Variants in SPOCK3 observed in about 807,000 individuals in gnomAD.
SPOCK3 encodes testican-3.
A neutral mutation model predicts 56.6 loss-of-function variants in SPOCK3; 30 were observed. That is an observed-to-expected ratio of 0.53 (90% CI 0.40 to 0.72). The LOEUF (loss-of-function observed/expected upper bound fraction) is 0.72, where lower values mean the gene tolerates loss of function less well. Among genes scored for constraint, SPOCK3 ranks in the 30% least tolerant of loss-of-function variants. SPOCK3 has a pLI of 0.00. For synonymous variants in SPOCK3, 196 were observed against 183.3 expected, an observed-to-expected ratio of 1.07 and a Z score of -0.56; for missense variants, 527 against 530.0, an observed-to-expected ratio of 0.99 and a Z score of 0.06.
chr4:166,956,519 C>A (rs1187757770), intron 4 of SPOCK3, among the ~76,000 whole-genome samples: 4 of 152,228 alleles, frequency 2.6e-5, no homozygotes, highest in African/African-American at 9.6e-5. Flanking sequence ...ATTCACAGAG[C>A]AAGAAGGTAT....
intron 2 of SPOCK3, among the ~76,000 whole-genome samples, chr4:167,088,618 C>G (rs1381603606): frequency 6.6e-6 from 1 of 151,946 alleles, no homozygotes. Flanking sequence ...GTGTGTGCCA[C>G]CATGCCCAGC....
chr4:166,872,094 A>C (rs1213483035), intron 6 of SPOCK3, among the ~76,000 whole-genome samples: 1 of 151,132 alleles, frequency 6.6e-6, no homozygotes, highest in Non-Finnish European at 1.5e-5. Flanking sequence ...ATATAATCTT[A>C]AGTATTTTAA....
chr4:166,788,877 T>C (rs1009176561), intron 7 of SPOCK3, among the ~76,000 whole-genome samples: 5 of 152,174 alleles, frequency 3.3e-5, no homozygotes, highest in Admixed American at 3.3e-4. Context: ...TCATCATCAA[T>C]GCTGGCTAAT....
intron 3 of SPOCK3, among the ~76,000 whole-genome samples, chr4:167,058,693 G>A (rs1755204131): frequency 6.6e-6 from 1 of 152,152 alleles, no homozygotes; most frequent in South Asian, 2.1e-4. Context: ...GCATCGCCAA[G>A]TCAATCCTAA....
chr4:167,046,970 T>G (rs1326431708), intron 3 of SPOCK3, among the ~76,000 whole-genome samples: 1 of 152,140 alleles, frequency 6.6e-6, no homozygotes, highest in East Asian at 1.9e-4. Context: ...GTGAAGAGTA[T>G]ATGATATTTA....
Position 166,742,046 on chromosome 4 carries a change from C to A in SPOCK3, c.945G>T (p.Gln315His). The change falls in exon 9 of 11, where the codon CAG (glutamine) becomes CAT (histidine). Residue 315 changes from glutamine (Q) to histidine (H), a missense_variant. Physicochemically the swap from Gln to His is conservative, Grantham distance 24 (BLOSUM62 0). Coordinates refer to ENST00000357545, the MANE Select transcript of SPOCK3 (RefSeq NM_001040159.2). ...CFQRQQDPPC[Q>H]TELSNIQKRQ... Reference sequence around the variant, plus strand: ...GCTTCTGAATATTGCTGAGCTCAGTCTGGCAAGGTGGGTCTGCAATGACAT... The same window carrying A: ...GCTTCTGAATATTGCTGAGCTCAGTATGGCAAGGTGGGTCTGCAATGACAT... The A allele has an allele frequency of 6.2e-7, 1 of 1,612,640 alleles. No homozygotes were observed. The highest frequency in any genetic ancestry group is 8.5e-7 in the Non-Finnish European group (1 of 1,178,900).
intron 6 of SPOCK3, among the ~76,000 whole-genome samples, chr4:166,865,544 C>A (rs994672635): frequency 5.3e-5 from 8 of 152,092 alleles, no homozygotes; most frequent in African/African-American, 1.7e-4. Flanking sequence ...CCATCTCAGG[C>A]CAAAAACTCC....
intron 5 of SPOCK3, among the ~76,000 whole-genome samples, chr4:166,897,414 T>C (rs182922380): frequency 8.7e-4 from 133 of 152,248 alleles, no homozygotes; most frequent in Middle Eastern, 3.4e-3. Flanking sequence ...GTTTTTTTCC[T>C]GTCCAGTAAA....
intron 2 of SPOCK3, among the ~76,000 whole-genome samples, chr4:167,113,211 A>G (rs1761045726): frequency 6.6e-6 from 1 of 152,046 alleles, no homozygotes; most frequent in African/African-American, 2.4e-5. Flanking sequence ...CATTTTAATT[A>G]CTGACTAATT....
intron 7 of SPOCK3, among the ~76,000 whole-genome samples, chr4:166,787,247 T>A (rs1362869644): frequency 1.3e-5 from 2 of 152,180 alleles, no homozygotes; most frequent in East Asian, 3.8e-4. Context: ...AAGACAAAGA[T>A]CTAAGTCAAA....
Position 166,734,623 on chromosome 4 carries a change from A to C in SPOCK3, c.*298T>G, listed in dbSNP as rs1251536265. Reference sequence around the variant, plus strand: ...CACTAGCTGTCATTTTGCTTATGGAAGATTTACAAAGTTTGTTCTCGTGAA... The same window carrying C: ...CACTAGCTGTCATTTTGCTTATGGACGATTTACAAAGTTTGTTCTCGTGAA... On this transcript the variant is annotated 3_prime_UTR_variant, in exon 11 of 11. Coordinates refer to ENST00000357545, the MANE Select transcript of SPOCK3 (RefSeq NM_001040159.2). The C allele has an allele frequency of 4.3e-6, 1 of 233,634 alleles. No individual in the cohort carries two copies. The highest frequency in any genetic ancestry group is 8.2e-6 in the Non-Finnish European group (1 of 122,638). The allele number at this position is 233,634 out of a possible 1,614,324, so 14.5% of individuals were successfully genotyped here.
intron 4 of SPOCK3, among the ~76,000 whole-genome samples, chr4:166,924,905 G>C (rs924084041): frequency 2.6e-5 from 4 of 152,154 alleles, no homozygotes; most frequent in Non-Finnish European, 5.9e-5. Context: ...TGTTTCTCTT[G>C]TTAGAAGTTT....
chr4:166,915,567 T>C (rs999627492), intron 4 of SPOCK3, among the ~76,000 whole-genome samples: 1 of 152,150 alleles, frequency 6.6e-6, no homozygotes, highest in Non-Finnish European at 1.5e-5. Context: ...TTTAATTCTA[T>C]TTTGAAGGCC....
chr4:166,811,840 A>AT (rs1184191418), intron 6 of SPOCK3, among the ~76,000 whole-genome samples: 5 of 151,740 alleles, frequency 3.3e-5, no homozygotes, highest in Non-Finnish European at 7.4e-5. Context: ...AGCTTTTAGT[A>AT]TTTTTTTATT....
chr4:167,089,037 T>C (rs1300689557), intron 2 of SPOCK3, among the ~76,000 whole-genome samples: 1 of 152,174 alleles, frequency 6.6e-6, no homozygotes, highest in Non-Finnish European at 1.5e-5. Context: ...GGTCAGCATA[T>C]ACATATTGAA....
intron 6 of SPOCK3, among the ~76,000 whole-genome samples, chr4:166,884,659 T>C (rs995785641): frequency 6.6e-6 from 1 of 152,154 alleles, no homozygotes; most frequent in South Asian, 2.1e-4. Flanking sequence ...CAAAGTTGGT[T>C]AAATTTGAGG....
intron 6 of SPOCK3, among the ~76,000 whole-genome samples, chr4:166,828,234 T>C (rs992981537): frequency 6.6e-6 from 1 of 151,970 alleles, no homozygotes; most frequent in Non-Finnish European, 1.5e-5. Flanking sequence ...TGGAAAAATA[T>C]AGAAAACAAC....
chr4:167,144,678 T>C (rs1763792874), intron 2 of SPOCK3, among the ~76,000 whole-genome samples: 1 of 144,054 alleles, frequency 6.9e-6, no homozygotes, highest in African/African-American at 2.6e-5. Flanking sequence ...ACAGGACAGG[T>C]CCCACTGAAA....
chr4:166,780,797 C>G (rs1293937947), intron 7 of SPOCK3, among the ~76,000 whole-genome samples: 1 of 152,120 alleles, frequency 6.6e-6, no homozygotes, highest in Non-Finnish European at 1.5e-5. Flanking sequence ...ACTACCAGAG[C>G]AGCAAATGTT....
Sources: gnomAD v4.1 joint callset for allele counts (sites outside exome capture counted in the v4.1 genomes callset) on GRCh38, gnomAD v4.1.1 for gene constraint, MANE v1.5 for transcripts, NCBI Gene and HGNC (gene_info 2026-07-23, HGNC 2026-07-21) for gene names.